Variants in PEX5L observed in about 807,000 individuals in gnomAD.
The protein encoded by PEX5L is PEX5-related protein.
In PEX5L, 30 loss-of-function variants were observed where a neutral mutation model predicts 84.0. That is an observed-to-expected ratio of 0.36 (90% confidence interval 0.27 to 0.48). The LOEUF is 0.48. Ranked by LOEUF, PEX5L falls within the 20% of genes least tolerant of loss-of-function variation. The probability of loss-of-function intolerance (pLI) is 0.99; values close to 1 mark genes in which losing one functional copy is unlikely to be tolerated. For synonymous variants in PEX5L, 270 were observed against 283.1 expected, an observed-to-expected ratio of 0.95 and a Z score of 0.46; for missense variants, 533 against 754.6, an observed-to-expected ratio of 0.71 and a Z score of 3.44.
chr3:179,970,045 T>G (rs1784349836), intron 2 of PEX5L, among the ~76,000 whole-genome samples: 1 of 152,078 alleles, frequency 6.6e-6, no homozygotes, highest in Admixed American at 6.6e-5. Flanking sequence ...AATATAACTT[T>G]GCAGTTTTCT....
chr3:179,888,824 G>A (rs374556779), intron 3 of PEX5L, among the ~76,000 whole-genome samples: 1 of 152,038 alleles, frequency 6.6e-6, no homozygotes, highest in Non-Finnish European at 1.5e-5. Context: ...GAGTGCAGTG[G>A]CATGATCATA....
intron 2 of PEX5L, among the ~76,000 whole-genome samples, chr3:179,927,330 T>C (rs1771750863): frequency 6.6e-6 from 1 of 152,074 alleles, no homozygotes; most frequent in Non-Finnish European, 1.5e-5. Flanking sequence ...TGAAAGATAG[T>C]TACGATTAAC....
At chr3:179,813,580 C>A (rs534752327) in intron 10 of PEX5L, among the ~76,000 whole-genome samples, 2 of 152,106 alleles carry the variant, frequency 1.3e-5, no homozygotes, top group African/African-American at 4.8e-5. Context: ...CTCACTGCAA[C>A]CTCCGCCTCC....
chr3:179,829,770 A>ATC (rs1451734950), intron 8 of PEX5L, among the ~76,000 whole-genome samples: 1 of 124,832 alleles, frequency 8.0e-6, no homozygotes, highest in Non-Finnish European at 1.7e-5. Flanking sequence ...AACTTGCTAT[A>ATC]TCTTTTTTTT....
chr3:179,934,037 A>G (rs1331842058), intron 2 of PEX5L, among the ~76,000 whole-genome samples: 1 of 152,218 alleles, frequency 6.6e-6, no homozygotes, highest in Non-Finnish European at 1.5e-5. Flanking sequence ...CCTCTCTGAC[A>G]AGCCAGGCAG....
At chr3:180,025,511 T>G (rs889410927) in intron 1 of PEX5L, among the ~76,000 whole-genome samples, 7 of 152,218 alleles carry the variant, frequency 4.6e-5, no homozygotes, top group African/African-American at 1.2e-4. Context: ...TATCAATGCA[T>G]GTAAGCTGCT....
intron 8 of PEX5L, among the ~76,000 whole-genome samples, chr3:179,846,156 A>G (rs575145279): frequency 3.3e-5 from 5 of 152,208 alleles, no homozygotes; most frequent in Non-Finnish European, 5.9e-5. Context: ...GGTGACAGAG[A>G]GAGACTCTGT....
chr3:179,857,357 T>C (rs759556004), intron 8 of PEX5L, among the ~76,000 whole-genome samples: 7 of 152,224 alleles, frequency 4.6e-5, no homozygotes, highest in Non-Finnish European at 8.8e-5. Context: ...AATTTCAGCA[T>C]AAGAAAGAAC....
intron 10 of PEX5L, among the ~76,000 whole-genome samples, chr3:179,814,055 A>T (rs1377436480): frequency 6.7e-6 from 1 of 150,302 alleles, no homozygotes; most frequent in African/African-American, 2.5e-5. Context: ...TCCTGGCTTG[A>T]ACTGATCCTC....
intron 1 of PEX5L, among the ~76,000 whole-genome samples, chr3:179,993,862 T>C (rs2110385187): frequency 6.6e-6 from 1 of 152,308 alleles, no homozygotes; most frequent in East Asian, 1.9e-4. Context: ...CACTATTCCC[T>C]AAATAATACA....
chr3:179,868,406 A>G (rs968709629), intron 7 of PEX5L, among the ~76,000 whole-genome samples: 1 of 152,158 alleles, frequency 6.6e-6, no homozygotes, highest in African/African-American at 2.4e-5. Context: ...AGCTACTAAG[A>G]TGCATTTCCT....
intron 2 of PEX5L, among the ~76,000 whole-genome samples, chr3:179,918,941 C>T (rs907399502): frequency 2.0e-5 from 3 of 152,116 alleles, no homozygotes; most frequent in African/African-American, 7.2e-5. Flanking sequence ...TTTCAGAGTC[C>T]TCAAGTTCTA....
At chr3:179,809,342 CA>C (rs1722807915) in intron 12 of PEX5L, 128 bp downstream of exon 12, 1 of 687,854 alleles carries the variant, frequency 1.5e-6, no homozygotes, top group Admixed American at 2.4e-5. Flanking sequence ...GCTCCTCCAG[CA>C]GAATACTGTC....
At chr3:180,000,292 A>G (rs553965289) in intron 1 of PEX5L, among the ~76,000 whole-genome samples, 1 of 151,914 alleles carries the variant, frequency 6.6e-6, no homozygotes, top group East Asian at 1.9e-4. Flanking sequence ...GTGACTGACC[A>G]GGCTATCAAG....
At chr3:180,021,388 G>A (rs1226632540) in intron 1 of PEX5L, among the ~76,000 whole-genome samples, 1 of 152,180 alleles carries the variant, frequency 6.6e-6, no homozygotes, top group Non-Finnish European at 1.5e-5. Flanking sequence ...TGTGCATTAA[G>A]TTCAACTGTG....
At chr3:179,851,938 A>T (rs1742060815) in intron 8 of PEX5L, among the ~76,000 whole-genome samples, 1 of 152,220 alleles carries the variant, frequency 6.6e-6, no homozygotes, top group Non-Finnish European at 1.5e-5. Context: ...CTGTGCTACA[A>T]GGGTAATCTT....
intron 1 of PEX5L, among the ~76,000 whole-genome samples, chr3:180,013,049 A>G (rs533654669): frequency 6.6e-6 from 1 of 152,206 alleles, no homozygotes; most frequent in Non-Finnish European, 1.5e-5. Context: ...TAGTTTTGGT[A>G]GCAGTATTTC....
In PEX5L at chr3:180,033,106, G is replaced by A. The variant is rs538275769; in HGVS notation, c.21+3473C>T. 4.1e-4 allele frequency among the ~76,000 whole-genome samples: 63 copies of A among 152,256 alleles called. 1 individual carries two copies. The highest frequency in any genetic ancestry group is 1.4e-3 in the African/African-American group (59 of 41,544). ...TACTAACATAACTTAAATTACCTAAGCTATTCCCCTTTGTAGAGATTTTAA... is the reference window on the plus strand; with the variant it reads ...TACTAACATAACTTAAATTACCTAAACTATTCCCCTTTGTAGAGATTTTAA... On this transcript the variant is annotated intron_variant, in intron 1 of 14. Coordinates refer to ENST00000467460, the MANE Select transcript of PEX5L (RefSeq NM_016559.3).
intron 1 of PEX5L, among the ~76,000 whole-genome samples, chr3:180,005,818 C>T (rs544455599): frequency 6.6e-6 from 1 of 152,316 alleles, no homozygotes; most frequent in South Asian, 2.1e-4. Flanking sequence ...GATCCTTGGC[C>T]TCTCAAACTG....
Sources: gnomAD v4.1 joint callset for allele counts (sites outside exome capture counted in the v4.1 genomes callset) on GRCh38, gnomAD v4.1.1 for gene constraint, MANE v1.5 for transcripts, NCBI Gene and HGNC (gene_info 2026-07-23, HGNC 2026-07-21) for gene names.